The following STK17B variants were observed in gnomAD, a reference collection of about 807,000 sequenced individuals.
STK17B encodes serine/threonine kinase 17b, also known as serine/threonine-protein kinase 17B.
Under a neutral mutation model 42.0 loss-of-function variants are expected in STK17B, and 21 were observed. That is an observed-to-expected ratio of 0.50 (90% confidence interval 0.35 to 0.72). The LOEUF is 0.72. Among genes scored for constraint, STK17B ranks in the 30% least tolerant of loss-of-function variants. The pLI is 0.00. For missense variants in STK17B, 349 were observed against 446.0 expected, an observed-to-expected ratio of 0.78 and a Z score of 1.96; for synonymous variants, 143 against 148.4, an observed-to-expected ratio of 0.96 and a Z score of 0.26.
chr2:196,137,801 T>G (rs1209031253), intron 7 of STK17B, 72 bp from the exon 8 acceptor site: 1 of 1,489,164 alleles, frequency 6.7e-7, no homozygotes, highest in East Asian at 2.3e-5. Context: ...TTTGATAGAT[T>G]ATAGACATAT....
At chr2:196,141,216 T>G (rs1699489539) in intron 6 of STK17B, 33 bp downstream of exon 6, 8 of 1,557,320 alleles carry the variant, frequency 5.1e-6, no homozygotes, top group Non-Finnish European at 5.3e-6. Context: ...CAACTTTCCA[T>G]AAAGATGTTT....
At chr2:196,140,746 G>A (rs2105676942) in intron 6 of STK17B, among the ~76,000 whole-genome samples, 2 of 152,160 alleles carry the variant, frequency 1.3e-5, no homozygotes, top group South Asian at 4.2e-4. Flanking sequence ...CATATTTTTA[G>A]TAGAGATAGG....
At chr2:196,167,963 G>A (rs1462566039) in intron 1 of STK17B, among the ~76,000 whole-genome samples, 1 of 152,206 alleles carries the variant, frequency 6.6e-6, no homozygotes, top group East Asian at 1.9e-4. Flanking sequence ...AGTAAAGGAA[G>A]AACTTTCTCC....
At chr2:196,171,822 G>A (rs1699950780), upstream of STK17B, among the ~76,000 whole-genome samples, 1 of 150,196 alleles carries the variant, frequency 6.7e-6, no homozygotes, top group Non-Finnish European at 1.5e-5. Flanking sequence ...GGGCTGCCGC[G>A]AGGGAGGGGC....
intron 2 of STK17B, among the ~76,000 whole-genome samples, chr2:196,158,947 G>T (rs1418935790): frequency 6.7e-6 from 1 of 149,314 alleles, no homozygotes; most frequent in East Asian, 2.0e-4. Flanking sequence ...GCAGACGGAG[G>T]TTGCAGTGAG....
At position 196,163,358 on chromosome 2, in the gene STK17B, C is replaced by T. The variant is rs375355841; in HGVS notation, c.26G>A (p.Arg9Gln). 6.9e-6 allele frequency: 11 copies of T among 1,598,510 alleles called. No individual in the cohort carries two copies. The highest frequency in any genetic ancestry group is 2.7e-5 in the African/African-American group (2 of 73,632). Residue 9 changes from arginine (R) to glutamine (Q), a missense_variant, in exon 2 of 8, where the codon CGA becomes CAA. By Grantham distance (43) the Arg-to-Gln change is conservative (BLOSUM62 1). Transcript: ENST00000263955. MSRRRFDC[R>Q]SISGLLTTTP... ...TGTAGTTAGTAGGCCTGAAATACTTCGGCAATCAAATCTCCTCCTCGACAT... is the reference window on the plus strand; with the variant it reads ...TGTAGTTAGTAGGCCTGAAATACTTTGGCAATCAAATCTCCTCCTCGACAT...
chr2:196,155,133 G>A (rs1055659229), intron 3 of STK17B, among the ~76,000 whole-genome samples: 2 of 152,180 alleles, frequency 1.3e-5, no homozygotes, highest in Non-Finnish European at 2.9e-5. Context: ...TTCCACTACT[G>A]TTTTGACAAA....
chr2:196,157,309 T>C (rs891915364), intron 2 of STK17B, among the ~76,000 whole-genome samples: 2 of 152,198 alleles, frequency 1.3e-5, no homozygotes, highest in East Asian at 3.8e-4. Flanking sequence ...AGAGAAGATA[T>C]GTAATTTAGT....
In STK17B at chr2:196,137,424, C is replaced by T; in HGVS notation, c.*23G>A. ...TGGATATAAAATTTCAAATTCAGTC[C>T]AAATGAGTCAAAGAAAAAAGTGCTA... is the stretch of plus-strand genomic sequence containing the variant. On this transcript the variant is annotated 3_prime_UTR_variant, in exon 8 of 8. Transcript: ENST00000263955. The T allele has an allele frequency of 1.9e-6, 3 of 1,604,054 alleles. No individual in the cohort carries two copies. The highest frequency in any genetic ancestry group is 2.6e-6 in the Non-Finnish European group (3 of 1,175,516).
In STK17B at chr2:196,133,860, A is replaced by T. The variant is rs1699357243; in HGVS notation, c.*3587T>A. 1 of 152,234 alleles carries T rather than the reference A, an allele frequency of 6.6e-6. No individual in the cohort carries two copies. Among genetic ancestry groups the T allele is most frequent in the Non-Finnish European group, 1.5e-5 (1 of 68,042 alleles). 9.4% of individuals were successfully genotyped at this position (152,234 alleles called of 1,614,324 possible). A position where few individuals can be genotyped will look rare whatever the true frequency, so the allele number is the denominator to read the frequency against. ...TGGCAGGAAGTTGTAATTTATGGAA[A>T]ATTTACAATTATTCTTTAAAATACT... On this transcript the variant is annotated 3_prime_UTR_variant, in exon 8 of 8. Transcript: ENST00000263955.
intron 3 of STK17B, among the ~76,000 whole-genome samples, chr2:196,147,716 A>G (rs536889983): frequency 6.0e-5 from 9 of 150,432 alleles, no homozygotes; most frequent in Admixed American, 2.0e-4. Flanking sequence ...AACTTGCTGT[A>G]AATTCATGAG....
rs770382403 is a variant in STK17B, at chr2:196,144,198, A to ATT, written c.481-513_481-512insAA. ...AATAAAAAAAAAATTAAAAAATTAAAAAAAAAAAGAGGCCGGGCATGGTGG... is the reference window on the plus strand; with the variant it reads ...AATAAAAAAAAAATTAAAAAATTAAATTAAAAAAAAGAGGCCGGGCATGGTGG... On this transcript the variant is annotated intron_variant, in intron 4 of 7. Coordinates refer to ENST00000263955, the MANE Select transcript of STK17B (RefSeq NM_004226.4). Among the ~76,000 whole-genome samples, 180 of 148,796 alleles carry ATT rather than the reference A, an allele frequency of 1.2e-3. 1 individual carries two copies. The highest frequency in any genetic ancestry group is 2.1e-3 in the Non-Finnish European group (141 of 66,432).
rs746176436 is a variant in STK17B, at chr2:196,139,677, G to T, written c.779C>A (p.Ser260Ter). 1 of 1,471,898 alleles carries T rather than the reference G, an allele frequency of 6.8e-7. No individual in the cohort carries two copies. The highest frequency in any genetic ancestry group is 9.0e-7 in the Non-Finnish European group (1 of 1,108,608). The allele number at this position is 1,471,898 out of a possible 1,614,324, so 91.2% of individuals were successfully genotyped here. Residue 260 changes from serine to a stop codon, truncating the protein, a stop_gained, in exon 7 of 8, where the codon TCA becomes TAA. Coordinates refer to ENST00000263955, the MANE Select transcript of STK17B (RefSeq NM_004226.4). LOFTEE classifies it high-confidence loss of function. ...VNVDYSEETF[S>*]SVSQLATDFI... ...GTCTGTGGCCAGCTGTGAAACTGAT[G>T]AAAAAGTTTCTTCCGAATAATCTAC...
upstream of STK17B, among the ~76,000 whole-genome samples, chr2:196,176,048 A>C (rs1699993973): frequency 6.6e-6 from 1 of 152,218 alleles, no homozygotes. Context: ...CATACTTCAG[A>C]ATAAAGTAAT....
intron 1 of STK17B, 94 bp from the exon 2 acceptor site, chr2:196,163,521 TAA>T (rs368212420): frequency 1.4e-3 from 1,004 of 738,658 alleles, no homozygotes; most frequent in South Asian, 1.8e-3. Flanking sequence ...AAAATACAAC[TAA>T]AAAAAAAAAA....
At chr2:196,149,930 C>T (rs1031498108) in intron 3 of STK17B, among the ~76,000 whole-genome samples, 8 of 152,194 alleles carry the variant, frequency 5.3e-5, no homozygotes, top group Middle Eastern at 3.4e-3. Context: ...ATCACACTGT[C>T]TCTTCCTTTT....
chr2:196,144,529 C>T (rs1175524325), intron 4 of STK17B, among the ~76,000 whole-genome samples: 1 of 107,454 alleles, frequency 9.3e-6, no homozygotes, highest in Non-Finnish European at 1.9e-5. Context: ...AAAAAAAGAA[C>T]AACAGAAAGG....
At chr2:196,143,515 TTAA>T (rs1302642578) in intron 5 of STK17B, 42 bp downstream of exon 5, 12 of 1,529,656 alleles carry the variant, frequency 7.8e-6, no homozygotes, top group Non-Finnish European at 8.8e-6. Flanking sequence ...TATCATTTAC[TTAA>T]TAAATTTCAA....
At position 196,136,815 on chromosome 2, in the gene STK17B, T is replaced by C. The variant is rs575872375; in HGVS notation, c.*632A>G. The C allele has an allele frequency of 2.0e-4, 30 of 152,324 alleles. No individual in the cohort carries two copies. Among genetic ancestry groups the C allele is most frequent in the African/African-American group, 7.0e-4 (29 of 41,584 alleles). 9.4% of individuals were successfully genotyped at this position (152,324 alleles called of 1,614,324 possible). ...ATGCTACTCTTTCCTCTGCTCCAAC[T>C]TGTAAAGAATATCCCTGATCAGGTT... On this transcript the variant is annotated 3_prime_UTR_variant, in exon 8 of 8. Transcript: ENST00000263955.
Sources: allele counts gnomAD v4.1 joint callset (sites outside exome capture counted in the v4.1 genomes callset), GRCh38; gene constraint gnomAD v4.1.1; transcripts MANE v1.5; gene names NCBI Gene and HGNC (gene_info 2026-07-23, HGNC 2026-07-21).